Variants in GPHN observed in about 807,000 individuals in gnomAD.
The protein encoded by GPHN is gephyrin.
GPHN carries 17 observed loss-of-function variants against 95.5 expected under a neutral mutation model. That is an observed-to-expected ratio of 0.18 (90% confidence interval 0.12 to 0.27). GPHN has a LOEUF of 0.27. Ranked by LOEUF, GPHN falls within the 10% of genes least tolerant of loss-of-function variation. The pLI is 1.00. For synonymous variants in GPHN, 320 were observed against 322.5 expected, an observed-to-expected ratio of 0.99 and a Z score of 0.08; for missense variants, 660 against 978.1, an observed-to-expected ratio of 0.67 and a Z score of 4.34.
chr14:67,101,454 T>C (rs2153679085), intron 13 of GPHN, among the ~76,000 whole-genome samples: 1 of 151,996 alleles, frequency 6.6e-6, no homozygotes, highest in South Asian at 2.1e-4. Context: ...AATTGAAAAA[T>C]CAGTTAAAGT....
intron 3 of GPHN, among the ~76,000 whole-genome samples, chr14:66,787,240 A>G (rs1365768646): frequency 6.6e-6 from 1 of 152,180 alleles, no homozygotes; most frequent in Non-Finnish European, 1.5e-5. Context: ...TTTAAATAAC[A>G]CCATTTACAA....
intron 2 of GPHN, among the ~76,000 whole-genome samples, chr14:66,688,674 T>C (rs2067563370): frequency 6.6e-6 from 1 of 152,160 alleles, no homozygotes; most frequent in South Asian, 2.1e-4. Context: ...CCTTTCCAAT[T>C]TGGATGCCCT....
chr14:67,512,062 C>T, the GPHN span, among the ~76,000 whole-genome samples: 1 of 152,198 alleles, frequency 6.6e-6, no homozygotes, highest in Non-Finnish European at 1.5e-5. Context: ...TACGTAAATT[C>T]TGAGTGCATC....
chr14:67,392,661 CA>C, the GPHN span: 3 of 1,608,322 alleles, frequency 1.9e-6, no homozygotes, highest in Non-Finnish European at 2.6e-6. Context: ...CCCCAACTTA[CA>C]AAAGTGTACA....
At chr14:67,653,116 T>C in the GPHN span, among the ~76,000 whole-genome samples, 49 of 152,314 alleles carry the variant, frequency 3.2e-4, no homozygotes, top group African/African-American at 1.1e-3. Context: ...TTTCAAGGAA[T>C]AGGAAGCTGT....
intron 2 of GPHN, among the ~76,000 whole-genome samples, chr14:66,682,338 G>A (rs974981395): frequency 1.3e-5 from 2 of 152,114 alleles, no homozygotes; most frequent in South Asian, 2.1e-4. Flanking sequence ...TAATTATTCT[G>A]TTAGGATGTA....
chr14:67,484,597 AT>A, the GPHN span, among the ~76,000 whole-genome samples: 2 of 152,104 alleles, frequency 1.3e-5, no homozygotes, highest in Non-Finnish European at 2.9e-5. Flanking sequence ...ATTCAATTTT[AT>A]TTTTTAAAAA....
intron 6 of GPHN, 30 bp downstream of exon 6, chr14:66,916,099 G>T (rs1308752149): frequency 7.0e-7 from 1 of 1,419,430 alleles, no homozygotes; most frequent in Non-Finnish European, 1.0e-6. Flanking sequence ...TAATGGTTTA[G>T]TGTAAGAGCT....
chr14:67,439,577 C>T, the GPHN span, among the ~76,000 whole-genome samples: 4 of 106,018 alleles, frequency 3.8e-5, no homozygotes, highest in Non-Finnish European at 6.7e-5. Context: ...TTCTTTCTTT[C>T]TTTCTTTCTT....
chr14:66,791,907 C>A (rs2059983466), intron 3 of GPHN, among the ~76,000 whole-genome samples: 1 of 152,158 alleles, frequency 6.6e-6, no homozygotes, highest in African/African-American at 2.4e-5. Flanking sequence ...ACTCACAGTT[C>A]CACGTGGCTG....
At chr14:67,593,660 G>A in the GPHN span, 36 of 782,136 alleles carry the variant, frequency 4.6e-5, no homozygotes, top group Non-Finnish European at 6.9e-5. Context: ...CACTTTTACG[G>A]TTTTAGTTTA....
At chr14:67,027,015 A>G (rs2073960269) in intron 10 of GPHN, among the ~76,000 whole-genome samples, 2 of 152,198 alleles carry the variant, frequency 1.3e-5, no homozygotes, top group South Asian at 2.1e-4. Context: ...ACCCGATTCA[A>G]TATTGTGCAA....
chr14:67,674,742 C>T, the GPHN span: 1 of 369,522 alleles, frequency 2.7e-6, no homozygotes, highest in Admixed American at 4.6e-5. Flanking sequence ...TAGGCGACTC[C>T]TGAGGGAGCG....
chr14:67,694,089 A>C, the GPHN span, among the ~76,000 whole-genome samples: 1 of 152,340 alleles, frequency 6.6e-6, no homozygotes, highest in South Asian at 2.1e-4. Flanking sequence ...TCTGTTGACC[A>C]GGAGATGCAT....
chr14:66,603,018 T>C (rs2062331576), intron 1 of GPHN, among the ~76,000 whole-genome samples: 1 of 150,828 alleles, frequency 6.6e-6, no homozygotes, highest in Non-Finnish European at 1.5e-5. Flanking sequence ...CCGTTAAACA[T>C]ATCAAGCTTA....
At chr14:67,154,550 C>T (rs2081470270) in intron 18 of GPHN, among the ~76,000 whole-genome samples, 1 of 152,024 alleles carries the variant, frequency 6.6e-6, no homozygotes, top group South Asian at 2.1e-4. Flanking sequence ...ATGTTTGGTG[C>T]ACTAACAAAT....
chr14:67,038,151 C>A (rs984812288), intron 10 of GPHN, among the ~76,000 whole-genome samples: 1 of 152,016 alleles, frequency 6.6e-6, no homozygotes, highest in Non-Finnish European at 1.5e-5. Context: ...CTGTCATATG[C>A]TACAACATGG....
chr14:66,818,537 A>G (rs1042342970), intron 3 of GPHN, among the ~76,000 whole-genome samples: 1 of 152,170 alleles, frequency 6.6e-6, no homozygotes, highest in African/African-American at 2.4e-5. Flanking sequence ...TGTCTTTGCT[A>G]TTGTGAATAG....
At chr14:66,556,383 G>A (rs895038653) in intron 1 of GPHN, among the ~76,000 whole-genome samples, 8 of 152,116 alleles carry the variant, frequency 5.3e-5, no homozygotes, top group Non-Finnish European at 4.4e-5. Context: ...AAACTCTGTT[G>A]ATCTTTAAGC....
Sources: gnomAD v4.1 joint callset for allele counts (sites outside exome capture counted in the v4.1 genomes callset) on GRCh38, gnomAD v4.1.1 for gene constraint, MANE v1.5 for transcripts, NCBI Gene and HGNC (gene_info 2026-07-23, HGNC 2026-07-21) for gene names.